Variants in SRPK2 observed in about 807,000 individuals in gnomAD.
The protein encoded by SRPK2 is SFRS protein kinase 2.
In SRPK2, 21 loss-of-function variants were observed where a neutral mutation model predicts 90.8. That is an observed-to-expected ratio of 0.23 (90% CI 0.16 to 0.33). The LOEUF (loss-of-function observed/expected upper bound fraction) is 0.33. Among genes scored for constraint, SRPK2 ranks in the 10% least tolerant of loss-of-function variants. The pLI, the probability that SRPK2 is intolerant of heterozygous loss-of-function variation, is 1.00. For missense variants in SRPK2, 620 were observed against 869.0 expected (o/e 0.71, Z 3.60); for synonymous variants, 288 against 311.1 (o/e 0.93, Z 0.78).
chr7:105,263,285 T>C (rs1441956490), intron 2 of SRPK2, among the ~76,000 whole-genome samples: 1 of 151,922 alleles, frequency 6.6e-6, no homozygotes, highest in Non-Finnish European at 1.5e-5. Context: ...ATCGCTCCAC[T>C]TTACTCCAGC....
chr7:105,383,053 A>ATT (rs1161926443), intron 2 of SRPK2, among the ~76,000 whole-genome samples: 8 of 101,666 alleles, frequency 7.9e-5, no homozygotes, highest in African/African-American at 2.1e-4. Flanking sequence ...AAAAGTAAAA[A>ATT]TTTTTTTTTT....
rs144076324 is a variant in SRPK2 at position 105,280,351 on chromosome 7, G to T, written c.72-76566C>A. Among the ~76,000 whole-genome samples the T allele has an allele frequency of 1.4e-3, 216 of 151,726 alleles. 1 individual carries two copies. Among genetic ancestry groups the T allele is most frequent in the African/African-American group, 4.8e-3 (199 of 41,302 alleles). On this transcript the variant is annotated intron_variant, in intron 2 of 15. Transcript: ENST00000393651. ...AATCGCTTGAACCTGGGAGGCAGAG[G>T]TTGCAGTGAGAGCGAAGACTGAGAT...
intron 3 of SRPK2, among the ~76,000 whole-genome samples, chr7:105,201,526 T>A (rs1052869110): frequency 2.6e-5 from 4 of 151,914 alleles, no homozygotes; most frequent in African/African-American, 9.7e-5. Flanking sequence ...ACCCACATAC[T>A]TAAGATCCAG....
intron 2 of SRPK2, chr7:105,306,314 C>T (rs1014172081): frequency 6.2e-6 from 2 of 321,696 alleles, no homozygotes; most frequent in South Asian, 5.2e-5. Flanking sequence ...TTAATCAGAA[C>T]CTGACGGATC....
intron 2 of SRPK2, among the ~76,000 whole-genome samples, chr7:105,383,225 C>T (rs1400080683): frequency 6.6e-6 from 1 of 150,730 alleles, no homozygotes; most frequent in Middle Eastern, 3.4e-3. Context: ...CCACCATGCC[C>T]GGCTAATTTT....
intron 2 of SRPK2, among the ~76,000 whole-genome samples, chr7:105,303,958 T>C (rs1810873212): frequency 6.6e-6 from 1 of 152,182 alleles, no homozygotes; most frequent in Non-Finnish European, 1.5e-5. Context: ...ACAGAAATAT[T>C]TTGAGAAAAT....
chr7:105,279,573 A>G (rs868217130), intron 2 of SRPK2, among the ~76,000 whole-genome samples: 4 of 152,224 alleles, frequency 2.6e-5, no homozygotes, highest in Non-Finnish European at 5.9e-5. Flanking sequence ...TAAAGGCTGC[A>G]TGGATACACT....
chr7:105,235,361 A>AT (rs1799993541), intron 2 of SRPK2, among the ~76,000 whole-genome samples: 1 of 152,216 alleles, frequency 6.6e-6, no homozygotes, highest in African/African-American at 2.4e-5. Context: ...GCTTTATCAC[A>AT]TGCACCTTTA....
chr7:105,162,303 A>C (rs1382926558), intron 6 of SRPK2, among the ~76,000 whole-genome samples: 1 of 152,266 alleles, frequency 6.6e-6, no homozygotes, highest in Non-Finnish European at 1.5e-5. Flanking sequence ...TGGTCTCCCA[A>C]AGTGCTGGGA....
At chr7:105,312,986 G>GAAT in intron 2 of SRPK2, among the ~76,000 whole-genome samples, 1 of 152,040 alleles carries the variant, frequency 6.6e-6, no homozygotes, top group Admixed American at 6.6e-5. Flanking sequence ...AATAAATAAG[G>GAAT]AATAATAAAA....
chr7:105,324,725 A>G (rs1038928908), intron 2 of SRPK2, among the ~76,000 whole-genome samples: 1 of 152,066 alleles, frequency 6.6e-6, no homozygotes, highest in African/African-American at 2.4e-5. Context: ...CGTCTCTACT[A>G]AAAATACAAA....
intron 2 of SRPK2, among the ~76,000 whole-genome samples, chr7:105,245,652 T>C (rs1206527522): frequency 2.0e-5 from 3 of 152,120 alleles, no homozygotes; most frequent in Non-Finnish European, 4.4e-5. Flanking sequence ...ACCAACTAGA[T>C]ACAGACTACG....
chr7:105,277,396 A>G (rs1806667627), intron 2 of SRPK2, among the ~76,000 whole-genome samples: 1 of 152,056 alleles, frequency 6.6e-6, no homozygotes, highest in African/African-American at 2.4e-5. Flanking sequence ...TTTTTAAGAG[A>G]CTTCTCGCTG....
chr7:105,387,510 CTTT>C (rs77016884), intron 2 of SRPK2, among the ~76,000 whole-genome samples: 58 of 137,094 alleles, frequency 4.2e-4, no homozygotes, highest in East Asian at 2.4e-3. Context: ...ATGGTTTTTT[CTTT>C]TTTTTTTTTT....
At chr7:105,182,849 G>A (rs1480178554) in intron 3 of SRPK2, among the ~76,000 whole-genome samples, 1 of 152,132 alleles carries the variant, frequency 6.6e-6, no homozygotes, top group Non-Finnish European at 1.5e-5. Flanking sequence ...TGACCAGAAG[G>A]AGGGAAAGTA....
intron 3 of SRPK2, among the ~76,000 whole-genome samples, chr7:105,176,773 GTA>G (rs61522594): frequency 0.048 from 3,850 of 80,144 alleles, 54 homozygotes; most frequent in Non-Finnish European, 0.054. Flanking sequence ...GTGTGTGTGT[GTA>G]TATATATATA....
intron 2 of SRPK2, among the ~76,000 whole-genome samples, chr7:105,281,014 C>T (rs1424498382): frequency 6.8e-6 from 1 of 147,752 alleles, no homozygotes; most frequent in African/African-American, 2.5e-5. Flanking sequence ...AGAGTTAGTG[C>T]CCCTAACTCT....
chr7:105,202,881 G>A (rs946932808), intron 3 of SRPK2, among the ~76,000 whole-genome samples: 21 of 152,234 alleles, frequency 1.4e-4, no homozygotes, highest in African/African-American at 5.1e-4. Context: ...AGCCTTAGCA[G>A]TCAGAAAACA....
chr7:105,387,967 C>T (rs909844005), intron 2 of SRPK2, among the ~76,000 whole-genome samples: 2 of 152,218 alleles, frequency 1.3e-5, no homozygotes, highest in African/African-American at 4.8e-5. Context: ...CCGCCCTGCG[C>T]AGCCCGCGAC....
Sources: gnomAD v4.1 joint callset for allele counts (sites outside exome capture counted in the v4.1 genomes callset) on GRCh38, gnomAD v4.1.1 for gene constraint, MANE v1.5 for transcripts, NCBI Gene and HGNC (gene_info 2026-07-23, HGNC 2026-07-21) for gene names.